Variants in LYPD6 observed in about 807,000 individuals in gnomAD.
LYPD6 encodes LY6/PLAUR domain containing 6.
LYPD6 carries 15 observed loss-of-function variants against 22.7 expected under a neutral mutation model. The observed-to-expected ratio is 0.66, with a 90% CI of 0.44 to 1.02. LYPD6 has a LOEUF of 1.02. Ranked by LOEUF, LYPD6 falls within the 50% of genes least tolerant of loss-of-function variation. The pLI is 0.00. For synonymous variants in LYPD6, 72 were observed against 77.5 expected (o/e 0.93, Z 0.37); for missense variants, 189 against 208.4 (o/e 0.91, Z 0.57).
intron 1 of LYPD6, among the ~76,000 whole-genome samples, chr2:149,427,114 C>T (rs1277332071): frequency 6.6e-6 from 1 of 151,626 alleles, no homozygotes; most frequent in Non-Finnish European, 1.5e-5. Context: ...TATATAGTGC[C>T]AAGGTAACTC....
intron 1 of LYPD6, among the ~76,000 whole-genome samples, chr2:149,348,604 A>G (rs1036236975): frequency 6.6e-6 from 1 of 152,274 alleles, no homozygotes; most frequent in African/African-American, 2.4e-5. Context: ...GGGGGAGTGT[A>G]GTAAAAAGTC....
rs560303895 is a variant in LYPD6 at position 149,360,105 on chromosome 2, G to A, written c.-72+29383G>A. ...AGACCATATAAAGTAACTTCCTGAT[G>A]TTGCTATGGCATTTGTAAACTGTCA... On this transcript the variant is annotated intron_variant, in intron 1 of 4. Coordinates refer to ENST00000334166, the MANE Select transcript of LYPD6 (RefSeq NM_194317.5). Among the ~76,000 whole-genome samples the A allele has an allele frequency of 3.7e-4, 56 of 152,246 alleles. 4 individuals are homozygous for A. The South Asian group carries it at 1.0e-2, about 27-fold the overall frequency.
At chr2:149,336,655 C>T (rs1681039832) in intron 1 of LYPD6, among the ~76,000 whole-genome samples, 1 of 152,126 alleles carries the variant, frequency 6.6e-6, no homozygotes, top group African/African-American at 2.4e-5. Flanking sequence ...TTAACAGTGA[C>T]TCTCTCTAAG....
chr2:149,349,257 G>T (rs1681316436), intron 1 of LYPD6, among the ~76,000 whole-genome samples: 1 of 152,112 alleles, frequency 6.6e-6, no homozygotes, highest in Non-Finnish European at 1.5e-5. Context: ...CGAGAGTGAG[G>T]AGATGAGATC....
chr2:149,444,173 A>G (rs1683629777), intron 2 of LYPD6, among the ~76,000 whole-genome samples: 1 of 152,250 alleles, frequency 6.6e-6, no homozygotes, highest in African/African-American at 2.4e-5. Flanking sequence ...AGCTCTAGCT[A>G]TCCACCTGAC....
At chr2:149,400,443 C>A (rs1023274877) in intron 1 of LYPD6, among the ~76,000 whole-genome samples, 2 of 152,116 alleles carry the variant, frequency 1.3e-5, no homozygotes, top group African/African-American at 4.8e-5. Context: ...GTGAATGCCG[C>A]ATTGGTGTGT....
At chr2:149,451,211 A>G (rs1294074794) in intron 3 of LYPD6, among the ~76,000 whole-genome samples, 1 of 152,104 alleles carries the variant, frequency 6.6e-6, no homozygotes, top group Non-Finnish European at 1.5e-5. Flanking sequence ...TCTGGAGGGG[A>G]GGAACACTGT....
At chr2:149,395,494 A>G (rs1573768983) in intron 1 of LYPD6, among the ~76,000 whole-genome samples, 1 of 151,514 alleles carries the variant, frequency 6.6e-6, no homozygotes, top group Admixed American at 6.6e-5. Flanking sequence ...AGTTTTTTCA[A>G]TTTGCATTAC....
At chr2:149,330,476 G>A (rs1400768296), upstream of LYPD6, 1 of 149,252 alleles carries the variant, frequency 6.7e-6, no homozygotes, top group African/African-American at 2.4e-5. Context: ...GATTGGTCCC[G>A]CGGCCCTCGA....
rs559093090 is a variant in LYPD6, at chr2:149,428,101, A to G, written c.-71-9537A>G. Among the ~76,000 whole-genome samples, 28 of 152,346 alleles carry G rather than the reference A, an allele frequency of 1.8e-4. No individual in the cohort carries two copies. The South Asian group carries it at 3.3e-3, about 18-fold the overall frequency. ...TAGAATAAAGTATCAGTGTCTATGA[A>G]GTCCAAGAGAGATCATCTCTGGCTA... On this transcript the variant is annotated intron_variant, in intron 1 of 4. Transcript: ENST00000334166.
intron 1 of LYPD6, among the ~76,000 whole-genome samples, chr2:149,427,280 G>C (rs1378355215): frequency 6.6e-6 from 1 of 152,034 alleles, no homozygotes; most frequent in Non-Finnish European, 1.5e-5. Flanking sequence ...CGCATTTTTG[G>C]AATATCTCTA....
At chr2:149,481,588 AAAGT>A in the LYPD6 span, among the ~76,000 whole-genome samples, 14 of 152,248 alleles carry the variant, frequency 9.2e-5, no homozygotes, top group African/African-American at 3.4e-4. Flanking sequence ...TAAATACATG[AAAGT>A]AAGGGAATAG....
rs1286866100 is a variant in LYPD6 at position 149,371,806 on chromosome 2, G to A, written c.-72+41084G>A. ...TGGGATGAGCTGTGAGAGTAGCTTC[G>A]TCAAATCTGCCATACTTTGCTGGAG... On this transcript the variant is annotated intron_variant, in intron 1 of 4. Transcript: ENST00000334166. 2.0e-5 allele frequency among the ~76,000 whole-genome samples: 3 copies of A among 152,140 alleles called. No individual in the cohort carries two copies. The South Asian group carries it at 6.2e-4, about 32-fold the overall frequency.
chr2:149,369,510 C>T (rs1011255871), intron 1 of LYPD6, among the ~76,000 whole-genome samples: 7 of 152,102 alleles, frequency 4.6e-5, no homozygotes, highest in African/African-American at 1.2e-4. Context: ...CTTAGTCTAG[C>T]GTTTCATCTT....
the LYPD6 span, among the ~76,000 whole-genome samples, chr2:149,484,565 T>C: frequency 1.3e-5 from 2 of 152,140 alleles, no homozygotes; most frequent in African/African-American, 4.8e-5. Context: ...CCGTAGTCCA[T>C]GCACAGCAAT....
intron 1 of LYPD6, among the ~76,000 whole-genome samples, chr2:149,382,691 C>T (rs1035353591): frequency 2.0e-5 from 3 of 152,084 alleles, no homozygotes; most frequent in African/African-American, 7.2e-5. Context: ...CAGAACAATT[C>T]AACTGTGCAC....
intron 3 of LYPD6, among the ~76,000 whole-genome samples, chr2:149,451,704 A>G (rs779288004): frequency 6.6e-6 from 1 of 152,152 alleles, no homozygotes; most frequent in Non-Finnish European, 1.5e-5. Context: ...TCTCTACACA[A>G]TTTATCCTTT....
chr2:149,459,928 CAAGTG>C (rs1681050210), intron 3 of LYPD6, among the ~76,000 whole-genome samples: 1 of 150,530 alleles, frequency 6.6e-6, no homozygotes, highest in African/African-American at 2.4e-5. Flanking sequence ...TTATTACAAA[CAAGTG>C]AAGGTATTAG....
intron 1 of LYPD6, among the ~76,000 whole-genome samples, chr2:149,372,931 T>C (rs994529393): frequency 1.3e-5 from 2 of 152,220 alleles, no homozygotes; most frequent in Non-Finnish European, 2.9e-5. Context: ...ATTGCAGGCT[T>C]CATTACAGGT....
Sources: allele counts gnomAD v4.1 joint callset (sites outside exome capture counted in the v4.1 genomes callset), GRCh38; gene constraint gnomAD v4.1.1; transcripts MANE v1.5; gene names NCBI Gene and HGNC (gene_info 2026-07-23, HGNC 2026-07-21).